PLD5: variants seen among roughly 807,000 people sequenced by gnomAD.
PLD5 encodes phospholipase D family member 5.
PLD5 carries 36 observed loss-of-function variants against 61.1 expected under a neutral mutation model. The observed-to-expected ratio is 0.59, with a 90% CI of 0.45 to 0.78. The LOEUF is 0.78. Ranked by LOEUF, PLD5 falls within the 30% of genes least tolerant of loss-of-function variation. The probability of loss-of-function intolerance (pLI) is 0.00; values close to 1 mark genes in which losing one functional copy is unlikely to be tolerated. For missense variants in PLD5, 515 were observed against 644.4 expected (o/e 0.80, Z 2.17); for synonymous variants, 243 against 242.8 (o/e 1.00, Z -0.01).
intron 1 of PLD5, among the ~76,000 whole-genome samples, chr1:242,473,842 T>A (rs1047236339): frequency 2.6e-5 from 4 of 152,082 alleles, no homozygotes; most frequent in Non-Finnish European, 4.4e-5. Flanking sequence ...CACAAAATAG[T>A]AAGAACTTGA....
At chr1:242,394,987 GA>G (rs779943558) in intron 1 of PLD5, among the ~76,000 whole-genome samples, 4 of 55,184 alleles carry the variant, frequency 7.2e-5, no homozygotes, top group African/African-American at 1.7e-4. Flanking sequence ...GAATATATAT[GA>G]ATATATATGT....
chr1:242,180,944 C>T (rs990263590), intron 5 of PLD5, among the ~76,000 whole-genome samples: 2 of 152,128 alleles, frequency 1.3e-5, no homozygotes, highest in African/African-American at 4.8e-5. Context: ...GATCATGCCA[C>T]TGCACTCCAG....
At chr1:242,477,908 T>A (rs79201761) in intron 1 of PLD5, among the ~76,000 whole-genome samples, 9,417 of 152,208 alleles carry the variant, frequency 0.062, 352 homozygotes, top group African/African-American at 0.073. Context: ...AAAAGATGTG[T>A]TGAATTTTGA....
chr1:242,164,403 T>A (rs1471065126), intron 5 of PLD5, among the ~76,000 whole-genome samples: 3 of 149,704 alleles, frequency 2.0e-5, no homozygotes, highest in African/African-American at 2.5e-5. Flanking sequence ...TGACAAATAT[T>A]AAAAAAAAAA....
At chr1:242,204,750 G>A (rs1349941000) in intron 5 of PLD5, among the ~76,000 whole-genome samples, 1 of 152,114 alleles carries the variant, frequency 6.6e-6, no homozygotes, top group Non-Finnish European at 1.5e-5. Flanking sequence ...AGAGATGAGC[G>A]AATGGAATTT....
chr1:242,326,087 G>T (rs1260974010), intron 2 of PLD5, among the ~76,000 whole-genome samples: 1 of 151,898 alleles, frequency 6.6e-6, no homozygotes, highest in South Asian at 2.1e-4. Flanking sequence ...ATGTTGTCCA[G>T]GCTGGTCTTG....
chr1:242,516,927 C>T (rs924520128), intron 1 of PLD5, among the ~76,000 whole-genome samples: 1 of 152,110 alleles, frequency 6.6e-6, no homozygotes, highest in African/African-American at 2.4e-5. Flanking sequence ...AGAAGTCTTA[C>T]CAGCTTTTAT....
At chr1:242,519,857 C>T (rs1669223981) in intron 1 of PLD5, among the ~76,000 whole-genome samples, 1 of 152,202 alleles carries the variant, frequency 6.6e-6, no homozygotes, top group South Asian at 2.1e-4. Context: ...GATCATCATA[C>T]AGGCTGATCT....
chr1:242,097,629 G>A (rs1281635899), intron 9 of PLD5, among the ~76,000 whole-genome samples: 3 of 152,216 alleles, frequency 2.0e-5, no homozygotes, highest in East Asian at 3.9e-4. Context: ...TGAGTTCTTT[G>A]TAGATTCTGG....
chr1:242,393,211 T>C lies in PLD5; in HGVS notation c.190-44969A>G, dbSNP rs1259424130. ...ACGACGACTCCGTCTCAAAAAAATA[T>C]ATATATATATATGAGTATATATATG... On this transcript the variant is annotated intron_variant, in intron 1 of 9. Coordinates refer to ENST00000536534, the MANE Select transcript of PLD5 (RefSeq NM_001372062.1). Among the ~76,000 whole-genome samples, 162 of 80,862 alleles carry C rather than the reference T, an allele frequency of 2.0e-3. 1 individual carries two copies. Among genetic ancestry groups the C allele is most frequent in the South Asian group, 3.3e-3 (8 of 2,406 alleles). 53.0% of individuals were successfully genotyped at this position (80,862 alleles called of 152,430 possible).
At chr1:242,143,924 C>T (rs1048757646) in intron 5 of PLD5, among the ~76,000 whole-genome samples, 5 of 151,858 alleles carry the variant, frequency 3.3e-5, no homozygotes, top group Non-Finnish European at 5.9e-5. Context: ...TCACTACAAC[C>T]TCCCCTGCCA....
intron 2 of PLD5, among the ~76,000 whole-genome samples, chr1:242,316,851 T>C (rs952270953): frequency 6.6e-6 from 1 of 151,594 alleles, no homozygotes; most frequent in African/African-American, 2.4e-5. Flanking sequence ...TACTTATAAG[T>C]GAGAACATGC....
chr1:242,205,350 T>A (rs1669256228), intron 5 of PLD5, among the ~76,000 whole-genome samples: 1 of 152,234 alleles, frequency 6.6e-6, no homozygotes, highest in African/African-American at 2.4e-5. Context: ...ATTTTCTATT[T>A]ATGCTTCTTT....
intron 1 of PLD5, among the ~76,000 whole-genome samples, chr1:242,388,982 A>T (rs12088476): frequency 0.017 from 2,550 of 151,606 alleles, 76 homozygotes; most frequent in African/African-American, 0.059. Flanking sequence ...AAATAAAAAT[A>T]GTTAAATCAA....
intron 5 of PLD5, among the ~76,000 whole-genome samples, chr1:242,126,663 G>A (rs1662811046): frequency 6.6e-6 from 1 of 152,154 alleles, no homozygotes; most frequent in African/African-American, 2.4e-5. Flanking sequence ...ATCAACTCAA[G>A]GTGGGTCAAG....
intron 1 of PLD5, among the ~76,000 whole-genome samples, chr1:242,407,904 G>A (rs1274722946): frequency 1.0e-4 from 15 of 146,662 alleles, no homozygotes; most frequent in African/African-American, 2.9e-4. Flanking sequence ...AGACAAAAGG[G>A]AAGCAAAGAA....
intron 1 of PLD5, among the ~76,000 whole-genome samples, chr1:242,413,296 C>A (rs1198664964): frequency 6.6e-6 from 1 of 151,436 alleles, no homozygotes; most frequent in African/African-American, 2.4e-5. Flanking sequence ...AACCCTTTGT[C>A]GTCATGATCT....
intron 1 of PLD5, among the ~76,000 whole-genome samples, chr1:242,523,822 T>C (rs879738439): frequency 6.6e-6 from 1 of 152,174 alleles, no homozygotes; most frequent in Non-Finnish European, 1.5e-5. Flanking sequence ...CCCGTGCAAA[T>C]GAACCCTACC....
chr1:242,499,500 T>C (rs1028961433), intron 1 of PLD5, among the ~76,000 whole-genome samples: 8 of 152,328 alleles, frequency 5.3e-5, no homozygotes, highest in Non-Finnish European at 8.8e-5. Context: ...TCTATTGATA[T>C]GATTATGTCC....
Sources: gnomAD v4.1 joint callset for allele counts (sites outside exome capture counted in the v4.1 genomes callset) on GRCh38, gnomAD v4.1.1 for gene constraint, MANE v1.5 for transcripts, NCBI Gene and HGNC (gene_info 2026-07-23, HGNC 2026-07-21) for gene names.